Variants in FAM171A1 observed in about 807,000 individuals in gnomAD.
FAM171A1 encodes the protein protein FAM171A1.
A neutral mutation model predicts 74.9 loss-of-function variants in FAM171A1; 23 were observed. That is an observed-to-expected ratio of 0.31 (90% CI 0.22 to 0.44). The LOEUF is 0.44. Ranked by LOEUF, FAM171A1 falls within the 20% of genes least tolerant of loss-of-function variation. The probability of loss-of-function intolerance (pLI) is 1.00; values close to 1 mark genes in which losing one functional copy is unlikely to be tolerated. For synonymous variants in FAM171A1, 527 were observed against 505.7 expected (o/e 1.04, Z -0.57); for missense variants, 1,162 against 1,159.2 (o/e 1.00, Z -0.03).
chr10:15,288,698 C>T (rs564791195), intron 1 of FAM171A1, among the ~76,000 whole-genome samples: 89 of 150,966 alleles, frequency 5.9e-4, no homozygotes, highest in Non-Finnish European at 1.1e-3. Context: ...ACTTGAATTT[C>T]TTCTAATATG....
At chr10:15,254,944 C>A in intron 3 of FAM171A1, 65 bp from the exon 4 acceptor site, 1 of 1,502,812 alleles carries the variant, frequency 6.7e-7, no homozygotes, top group Non-Finnish European at 9.1e-7. Context: ...AAATGCAAAA[C>A]CAGGAAGTGC....
At chr10:15,325,278 T>C (rs966847463) in intron 1 of FAM171A1, among the ~76,000 whole-genome samples, 4 of 152,274 alleles carry the variant, frequency 2.6e-5, no homozygotes, top group Non-Finnish European at 5.9e-5. Flanking sequence ...GGCAGAACAC[T>C]TGAGCCCAGG....
At chr10:15,317,114 C>T (rs943297550) in intron 1 of FAM171A1, among the ~76,000 whole-genome samples, 12 of 151,362 alleles carry the variant, frequency 7.9e-5, no homozygotes, top group Non-Finnish European at 1.3e-4. Context: ...TTCCCAGTCA[C>T]GGAAACAGGA....
chr10:15,238,728 G>C (rs1834327352), intron 5 of FAM171A1, among the ~76,000 whole-genome samples: 1 of 152,148 alleles, frequency 6.6e-6, no homozygotes. Flanking sequence ...CTGAGAGCCT[G>C]ACACGAATGC....
intron 5 of FAM171A1, among the ~76,000 whole-genome samples, chr10:15,238,196 T>C (rs1224864252): frequency 6.6e-6 from 1 of 152,240 alleles, no homozygotes; most frequent in Non-Finnish European, 1.5e-5. Flanking sequence ...TCTGGGTTAC[T>C]TCACCTAGTC....
chr10:15,347,703 G>C (rs1200301494), intron 1 of FAM171A1, among the ~76,000 whole-genome samples: 2 of 151,798 alleles, frequency 1.3e-5, no homozygotes, highest in African/African-American at 4.8e-5. Flanking sequence ...GGGCGTGGTG[G>C]TGCGCACCTG....
At chr10:15,373,407 G>C (rs546968354), upstream of FAM171A1, among the ~76,000 whole-genome samples, 3 of 152,266 alleles carry the variant, frequency 2.0e-5, no homozygotes, top group South Asian at 6.2e-4. Flanking sequence ...ACAAACCGAG[G>C]CTTGGTGCCA....
At chr10:15,356,245 C>CAT (rs34136690) in intron 1 of FAM171A1, among the ~76,000 whole-genome samples, 127 of 149,572 alleles carry the variant, frequency 8.5e-4, no homozygotes, top group African/African-American at 2.3e-3. Flanking sequence ...TACATACATA[C>CAT]ATATATATAT....
intron 1 of FAM171A1, among the ~76,000 whole-genome samples, chr10:15,287,294 G>A (rs1192619471): frequency 6.6e-6 from 1 of 151,122 alleles, no homozygotes; most frequent in East Asian, 1.9e-4. Flanking sequence ...GGGTTTCACC[G>A]TGTTAGCCAG....
chr10:15,357,027 C>A (rs963468481), intron 1 of FAM171A1, among the ~76,000 whole-genome samples: 9 of 151,994 alleles, frequency 5.9e-5, no homozygotes, highest in Admixed American at 5.2e-4. Flanking sequence ...GCCTGTAATC[C>A]CAGCACTTTG....
intron 1 of FAM171A1, among the ~76,000 whole-genome samples, chr10:15,296,455 C>A (rs1312558969): frequency 6.6e-6 from 1 of 152,154 alleles, no homozygotes; most frequent in Non-Finnish European, 1.5e-5. Flanking sequence ...TATGCAATTT[C>A]TAGCTGCACT....
chr10:15,310,390 T>C (rs2131836913), intron 1 of FAM171A1, among the ~76,000 whole-genome samples: 1 of 152,282 alleles, frequency 6.6e-6, no homozygotes, highest in South Asian at 2.1e-4. Context: ...AGGTTAAACA[T>C]GTCCTACAAA....
In FAM171A1 at chr10:15,213,671, A is replaced by G; in HGVS notation, c.1917T>C (p.Ser639=). The G allele has an allele frequency of 6.2e-7, 1 of 1,613,604 alleles. No homozygotes were observed. The highest frequency in any genetic ancestry group is 1.7e-5 in the Admixed American group (1 of 60,008). Residue 639 remains serine, a synonymous_variant, in exon 8 of 8, where the codon TCT becomes TCC. Coordinates refer to ENST00000378116, the MANE Select transcript of FAM171A1 (RefSeq NM_001010924.2). The surrounding 1 kb of genome is among the most constrained non-coding windows in gnomAD (Gnocchi z 6.8). ...GGTGCTGCTGAGAGATGGCCTGGGA[A>G]GACAGGGGCTGGGGCTGGATCTGTG... ...PSSQIQPQPL[S]SQAISQQHLQ...
chr10:15,228,367 G>A (rs1398455046), intron 5 of FAM171A1, among the ~76,000 whole-genome samples: 1 of 138,420 alleles, frequency 7.2e-6, no homozygotes, highest in African/African-American at 2.8e-5. Context: ...TTAAGAGACT[G>A]GGTCTTGCTT....
chr10:15,266,142 G>T (rs931343215), intron 3 of FAM171A1, among the ~76,000 whole-genome samples: 1 of 152,162 alleles, frequency 6.6e-6, no homozygotes, highest in Admixed American at 6.5e-5. Context: ...CATCCTTTCT[G>T]TTCTTCTACC....
At chr10:15,277,278 C>T (rs1472337481) in intron 2 of FAM171A1, among the ~76,000 whole-genome samples, 4 of 151,854 alleles carry the variant, frequency 2.6e-5, no homozygotes, top group Non-Finnish European at 4.4e-5. Context: ...AGTGCAATCG[C>T]GTGATCTTGG....
At chr10:15,328,307 G>A (rs1030419062) in intron 1 of FAM171A1, among the ~76,000 whole-genome samples, 1 of 152,080 alleles carries the variant, frequency 6.6e-6, no homozygotes, top group Non-Finnish European at 1.5e-5. Flanking sequence ...ACCAAGCCCA[G>A]CTAATTTTTT....
Position 15,248,623 on chromosome 10 carries a change from C to A in FAM171A1, c.754+16G>T. On this transcript the variant is annotated intron_variant, in intron 5 of 7. Transcript: ENST00000378116. ...GCCATCTGGTAGCCGATTGTCGGCA[C>A]AGAACTCTTGCTTACCCAGCTTCTG... 1 of 1,586,658 alleles carries A rather than the reference C, an allele frequency of 6.3e-7. No individual in the cohort carries two copies.
intron 1 of FAM171A1, among the ~76,000 whole-genome samples, chr10:15,347,262 C>T (rs1835826930): frequency 6.6e-6 from 1 of 152,086 alleles, no homozygotes; most frequent in Non-Finnish European, 1.5e-5. Context: ...CAGTCGAACT[C>T]CATTTAAAAA....
Sources: gnomAD v4.1 joint callset for allele counts (sites outside exome capture counted in the v4.1 genomes callset) on GRCh38, gnomAD v4.1.1 for gene constraint, Gnocchi (gnomAD v3.1) non-coding constraint, MANE v1.5 for transcripts, NCBI Gene and HGNC (gene_info 2026-07-23, HGNC 2026-07-21) for gene names.